The following GFPT1 variants were observed in gnomAD, a reference collection of about 807,000 sequenced individuals.
The protein encoded by GFPT1 is glutamine--fructose-6-phosphate transaminase 1.
A neutral mutation model predicts 92.0 loss-of-function variants in GFPT1; 40 were observed. The ratio of observed to expected loss-of-function variants is 0.43; its 90% confidence interval spans 0.34 to 0.57. The LOEUF is 0.57. GFPT1 is among the 20% of genes least tolerant of loss of function. The probability of loss-of-function intolerance (pLI) is 0.02; values close to 1 mark genes in which losing one functional copy is unlikely to be tolerated. For synonymous variants in GFPT1, 269 were observed against 280.6 expected, an observed-to-expected ratio of 0.96 and a Z score of 0.41; for missense variants, 448 against 869.1, an observed-to-expected ratio of 0.52 and a Z score of 6.09.
rs10602884 is a variant in GFPT1 at position 69,344,186 on chromosome 2, C to CAAAAAAA, written c.1105+1711_1105+1717dup. Among the ~76,000 whole-genome samples, 8 of 64,520 alleles carry CAAAAAAA rather than the reference C, an allele frequency of 1.2e-4. No individual in the cohort carries two copies. The East Asian group carries it at 1.6e-3, about 13-fold the overall frequency. 42.3% of individuals were successfully genotyped at this position (64,520 alleles called of 152,430 possible). ...GCAAAGACTCAATATAAAAGCAAAGCAAAAAAAAAAAAAAAAAAAAAAAGG... is the reference window on the plus strand; with the variant it reads ...GCAAAGACTCAATATAAAAGCAAAGCAAAAAAAAAAAAAAAAAAAAAAAAAAAAAAGG... On this transcript the variant is annotated intron_variant, in intron 12 of 19. Transcript: ENST00000357308.
rs1425651451 is a variant in GFPT1, at chr2:69,358,335, T to C, written c.537A>G (p.Gln179=). Residue 179 remains glutamine (Q), a synonymous_variant, in exon 6 of 20, where the codon CAA becomes CAG. Coordinates refer to ENST00000357308, the MANE Select transcript of GFPT1 (RefSeq NM_001244710.2). ...TAAAAATGTGGCTTAATACCAATTG[T>C]TGGATAACTCTCTCCACCAAGGTAG... ...SFTTLVERVI[Q]QLEGAFALVF... 2 of 1,612,036 alleles carry C rather than the reference T, an allele frequency of 1.2e-6. No homozygotes were observed. Among genetic ancestry groups the C allele is most frequent in the Non-Finnish European group, 8.5e-7 (1 of 1,178,338 alleles).
At chr2:69,385,783 C>G (rs2104708687) in intron 1 of GFPT1, among the ~76,000 whole-genome samples, 1 of 152,138 alleles carries the variant, frequency 6.6e-6, no homozygotes, top group Middle Eastern at 3.4e-3. Flanking sequence ...GAAGTCAGCT[C>G]TACTCTAATA....
intron 1 of GFPT1, among the ~76,000 whole-genome samples, chr2:69,384,203 A>AAAAAC (rs1177194590): frequency 2.6e-5 from 4 of 152,222 alleles, no homozygotes; most frequent in East Asian, 1.9e-4. Context: ...CCTCCAATCA[A>AAAAAC]AAAACAAAAC....
Position 69,322,657 on chromosome 2 carries a change from G to A in GFPT1, c.*3532C>T, listed in dbSNP as rs551905237. The A allele has an allele frequency of 6.6e-6, 1 of 152,202 alleles. No individual in the cohort carries two copies. Among genetic ancestry groups the A allele is most frequent in the Non-Finnish European group, 1.5e-5 (1 of 68,034 alleles). 9.4% of individuals were successfully genotyped at this position (152,202 alleles called of 1,614,324 possible). A position where few individuals can be genotyped will look rare whatever the true frequency, so the allele number is the denominator to read the frequency against. On this transcript the variant is annotated 3_prime_UTR_variant, in exon 20 of 20. Transcript: ENST00000357308. ...CTATGAAACCTAAGAGAGAAAACCT[G>A]TAATAGCTCTCTTAACCAACAGCCC... is the stretch of plus-strand genomic sequence containing the variant.
At chr2:69,358,976 C>A (rs1462813395) in intron 5 of GFPT1, among the ~76,000 whole-genome samples, 1 of 152,202 alleles carries the variant, frequency 6.6e-6, no homozygotes, top group Non-Finnish European at 1.5e-5. Context: ...AACTTTAAAG[C>A]ATGACAATCT....
chr2:69,330,273 C>T (rs878900244), intron 15 of GFPT1, among the ~76,000 whole-genome samples: 13 of 152,148 alleles, frequency 8.5e-5, no homozygotes, highest in Admixed American at 7.9e-4. Flanking sequence ...TCACTATTCT[C>T]CTTTTCTGAA....
intron 12 of GFPT1, among the ~76,000 whole-genome samples, chr2:69,343,319 G>A (rs1671000668): frequency 6.6e-6 from 1 of 152,014 alleles, no homozygotes; most frequent in Admixed American, 6.6e-5. Flanking sequence ...TGGCTGAGGA[G>A]AATGACAGGT....
At chr2:69,385,147 A>G (rs1672102883) in intron 1 of GFPT1, among the ~76,000 whole-genome samples, 1 of 151,978 alleles carries the variant, frequency 6.6e-6, no homozygotes, top group Non-Finnish European at 1.5e-5. Context: ...CTATGTGAAA[A>G]CTCCCAACAT....
At chr2:69,368,911 T>G (rs1181872347) in intron 3 of GFPT1, among the ~76,000 whole-genome samples, 1 of 152,184 alleles carries the variant, frequency 6.6e-6, no homozygotes, top group Admixed American at 6.5e-5. Flanking sequence ...CTTCTTATCT[T>G]GCTATGCTAT....
Position 69,329,707 on chromosome 2 carries a change from A to G in GFPT1, c.1574T>C (p.Met525Thr), listed in dbSNP as rs1670615501. 1.9e-6 allele frequency: 3 copies of G among 1,611,396 alleles called. No individual in the cohort carries two copies. Among genetic ancestry groups the G allele is most frequent in the Non-Finnish European group, 2.5e-6 (3 of 1,177,492 alleles). The change falls in exon 16 of 20, where the codon ATG becomes ACG. Residue 525 changes from methionine (M) to threonine (T), a missense_variant. By Grantham distance (81) the Met-to-Thr change is moderately conservative (BLOSUM62 -1). Coordinates refer to ENST00000357308, the MANE Select transcript of GFPT1 (RefSeq NM_001244710.2). The stretch of plus-strand genomic sequence containing the variant: ...ACCAGGCAGCCGTTTCAATCCAAGC[A>G]TGATCTCTTTGCGTCTTTCTTGCAT... ...ISMQERRKEI[M>T]LGLKRLPDLI...
intron 1 of GFPT1, among the ~76,000 whole-genome samples, chr2:69,384,693 C>CAAAAAAAAAAAAAAAAAAAA (rs71964630): frequency 1.2e-4 from 13 of 106,604 alleles, no homozygotes; most frequent in Admixed American, 2.4e-4. Flanking sequence ...GGCCCCGTCA[C>CAAAAAAAAAAAAAAAAAAAA]AAAAAAAAAA....
rs1671812724 is a variant in GFPT1 at position 69,374,020 on chromosome 2, C to A, written c.101G>T (p.Gly34Val). The change falls in exon 2 of 20, where the codon GGA (glycine) becomes GTA (valine). Residue 34 changes from glycine (G) to valine (V), a missense_variant. By Grantham distance (109) the Gly-to-Val change is moderately radical. Coordinates refer to ENST00000357308, the MANE Select transcript of GFPT1 (RefSeq NM_001244710.2). ...IKGLQRLEYR[G>V]YDSAGVGFDG... ...TTTTAAAGTACCAGCAGAATCATATCCTCTGTACTCCAGTCTCTGAAGGCC... is the reference window on the plus strand; with the variant it reads ...TTTTAAAGTACCAGCAGAATCATATACTCTGTACTCCAGTCTCTGAAGGCC... 6.7e-7 allele frequency: 1 copy of A among 1,498,864 alleles called. No individual in the cohort carries two copies. Among genetic ancestry groups the A allele is most frequent in the Non-Finnish European group, 9.3e-7 (1 of 1,076,014 alleles). The allele number at this position is 1,498,864 out of a possible 1,614,324, so 92.8% of individuals were successfully genotyped here.
chr2:69,355,313 A>G (rs989965378), intron 7 of GFPT1, among the ~76,000 whole-genome samples: 1 of 152,130 alleles, frequency 6.6e-6, no homozygotes, highest in African/African-American at 2.4e-5. Flanking sequence ...CCTGGGGTCA[A>G]GCAATCCACC....
At chr2:69,342,447 C>A (rs1432775942) in intron 12 of GFPT1, among the ~76,000 whole-genome samples, 198 bp from the exon 13 acceptor site, 1 of 152,224 alleles carries the variant, frequency 6.6e-6, no homozygotes, top group Non-Finnish European at 1.5e-5. Flanking sequence ...CGCCCCCAAA[C>A]TTGTAACTGA....
intron 12 of GFPT1, 90 bp from the exon 13 acceptor site, chr2:69,342,339 G>T: frequency 1.3e-6 from 1 of 795,864 alleles, no homozygotes; most frequent in Non-Finnish European, 2.2e-6. Flanking sequence ...GCCAATATGA[G>T]GAAGAATACT....
chr2:69,382,807 G>A lies in GFPT1; in HGVS notation c.7+4258C>T, dbSNP rs571125468. Among the ~76,000 whole-genome samples the A allele has an allele frequency of 3.3e-5, 5 of 152,246 alleles. No homozygotes were observed. In the South Asian group the frequency reaches 1.0e-3, roughly 32 times the overall value. ...AGTAAAAGTCCTGCCCCATCACCCA[G>A]AACATTCCTGAACCTAACACAGAAA... On this transcript the variant is annotated intron_variant, in intron 1 of 19. Transcript: ENST00000357308.
At chr2:69,347,693 G>A (rs2104634845) in intron 11 of GFPT1, among the ~76,000 whole-genome samples, 1 of 152,180 alleles carries the variant, frequency 6.6e-6, no homozygotes, top group African/African-American at 2.4e-5. Context: ...GGCAAGGCCA[G>A]ACTGGTCTCA....
intron 15 of GFPT1, among the ~76,000 whole-genome samples, chr2:69,330,495 A>ATT (rs199923223): frequency 6.9e-6 from 1 of 144,834 alleles, no homozygotes; most frequent in African/African-American, 2.5e-5. Context: ...GTATTGCTGG[A>ATT]TTTTTTTTTT....
chr2:69,366,283 T>C (rs1558769601), intron 3 of GFPT1, among the ~76,000 whole-genome samples: 2 of 152,206 alleles, frequency 1.3e-5, no homozygotes, highest in Admixed American at 6.5e-5. Flanking sequence ...ACCGAATGTC[T>C]AGTAAGAAAA....
Sources: gnomAD v4.1 joint callset for allele counts (sites outside exome capture counted in the v4.1 genomes callset) on GRCh38, gnomAD v4.1.1 for gene constraint, MANE v1.5 for transcripts, NCBI Gene and HGNC (gene_info 2026-07-23, HGNC 2026-07-21) for gene names.